The following SIPA1L2 variants were observed in gnomAD, a reference collection of about 807,000 sequenced individuals.
SIPA1L2 encodes the protein signal-induced proliferation-associated 1-like protein 2.
Under a neutral mutation model 163.9 loss-of-function variants are expected in SIPA1L2, and 56 were observed. The observed-to-expected ratio is 0.34, with a 90% CI of 0.28 to 0.43. The LOEUF is 0.43. Ranked by LOEUF, SIPA1L2 falls within the 20% of genes least tolerant of loss-of-function variation. The pLI is 1.00. For synonymous variants in SIPA1L2, 877 were observed against 865.7 expected, an observed-to-expected ratio of 1.01 and a Z score of -0.23; for missense variants, 1,974 against 2,193.5, an observed-to-expected ratio of 0.90 and a Z score of 2.00.
rs372607691 is a variant in SIPA1L2, at chr1:232,437,222, A to G, written c.4031+1886T>C. ...ATACAAAACTCTATTTGTGATGCCA[A>G]TGACATCTGTCCAAAAAGGTGTCAT... is the stretch of plus-strand genomic sequence containing the variant. On this transcript the variant is annotated intron_variant, in intron 15 of 22. Transcript: ENST00000674635. Among the ~76,000 whole-genome samples, 260 of 152,312 alleles carry G rather than the reference A, an allele frequency of 1.7e-3. 2 individuals are homozygous for G. Among genetic ancestry groups the G allele is most frequent in the African/African-American group, 5.9e-3 (245 of 41,564 alleles).
chr1:232,480,352 T>C lies in SIPA1L2; in HGVS notation c.1982-622A>G, dbSNP rs562408509. ...TTTTTTCTTTCAACAGGAAGTACAT[T>C]GATACATCCCATGAATGAAGAATAT... On this transcript the variant is annotated intron_variant, in intron 6 of 22. Coordinates refer to ENST00000674635, the MANE Select transcript of SIPA1L2 (RefSeq NM_020808.5). 6.4e-4 allele frequency among the ~76,000 whole-genome samples: 98 copies of C among 152,304 alleles called. 1 individual carries two copies. Among genetic ancestry groups the C allele is most frequent in the Non-Finnish European group, 8.2e-4 (56 of 68,016 alleles).
chr1:232,462,360 C>A, intron 9 of SIPA1L2: 1 of 1,521,268 alleles, frequency 6.6e-7, no homozygotes, highest in Non-Finnish European at 8.8e-7. Flanking sequence ...CACTCCATTT[C>A]TATGAAACAT....
At chr1:232,533,414 G>A (rs1473537170) in intron 2 of SIPA1L2, among the ~76,000 whole-genome samples, 2 of 152,150 alleles carry the variant, frequency 1.3e-5, no homozygotes, top group African/African-American at 2.4e-5. Context: ...TCTCCTCCAA[G>A]TGCTGGATCC....
chr1:232,451,072 T>C (rs951137604), intron 10 of SIPA1L2, among the ~76,000 whole-genome samples: 3 of 152,234 alleles, frequency 2.0e-5, no homozygotes, highest in Non-Finnish European at 4.4e-5. Flanking sequence ...TGTGACACTT[T>C]TACAGCAACT....
chr1:232,550,290 A>G (rs1485596019), intron 2 of SIPA1L2, among the ~76,000 whole-genome samples: 1 of 152,216 alleles, frequency 6.6e-6, no homozygotes, highest in Non-Finnish European at 1.5e-5. Flanking sequence ...ATCAAGTCAA[A>G]TATTTGCATT....
chr1:232,564,904 TG>T, intron 2 of SIPA1L2, among the ~76,000 whole-genome samples: 1 of 151,846 alleles, frequency 6.6e-6, no homozygotes. Context: ...TGTCTCAGGG[TG>T]GGGGATGAGA....
At chr1:232,525,569 A>G (rs1023172952) in intron 2 of SIPA1L2, among the ~76,000 whole-genome samples, 2 of 151,982 alleles carry the variant, frequency 1.3e-5, no homozygotes, top group Non-Finnish European at 2.9e-5. Flanking sequence ...AATATTTTAT[A>G]CTCAAATATA....
intron 2 of SIPA1L2, among the ~76,000 whole-genome samples, chr1:232,563,950 T>A (rs1659193931): frequency 7.2e-6 from 1 of 138,802 alleles, no homozygotes; most frequent in African/African-American, 3.0e-5. Context: ...GTTTGTTTTT[T>A]TTTTTCGTGT....
chr1:232,616,992 CT>C (rs1662531285), intron 1 of SIPA1L2, among the ~76,000 whole-genome samples: 1 of 152,144 alleles, frequency 6.6e-6, no homozygotes. Flanking sequence ...ATTGATTAGT[CT>C]CCTTCACATA....
Position 232,572,772 on chromosome 1 carries a change from T to TACATAC in SIPA1L2, c.-270+1401_-270+1402insGTATGT, listed in dbSNP as rs1558277889. Among the ~76,000 whole-genome samples the TACATAC allele has an allele frequency of 7.7e-4, 54 of 70,484 alleles. 1 individual carries two copies. Among genetic ancestry groups the TACATAC allele is most frequent in the Admixed American group, 1.9e-3 (11 of 5,778 alleles). The allele number at this position is 70,484 out of a possible 152,430, so 46.2% of individuals were successfully genotyped here. A position where few individuals can be genotyped will look rare whatever the true frequency, so the allele number is the denominator to read the frequency against. The stretch of plus-strand genomic sequence containing the variant: ...ATATATATATATATATATATATATA[T>TACATAC]ATATATATTTATTTATTTATTTTTT... On this transcript the variant is annotated intron_variant, in intron 2 of 22. Transcript: ENST00000674635.
At chr1:232,539,829 C>A (rs936870301) in intron 2 of SIPA1L2, among the ~76,000 whole-genome samples, 1 of 152,190 alleles carries the variant, frequency 6.6e-6, no homozygotes, top group African/African-American at 2.4e-5. Context: ...GATCTGGCTC[C>A]TCTGAGCTTC....
At chr1:232,530,452 T>C (rs1473037305) in intron 2 of SIPA1L2, among the ~76,000 whole-genome samples, 3 of 152,140 alleles carry the variant, frequency 2.0e-5, no homozygotes, top group Non-Finnish European at 4.4e-5. Context: ...CCTGTCACAT[T>C]TTAGCCATGG....
Position 232,471,492 on chromosome 1 carries a change from T to G in SIPA1L2, c.2122A>C (p.Thr708Pro), listed in dbSNP as rs1302466787. The change falls in exon 8 of 23, where the codon ACC becomes CCC. Residue 708 changes from threonine (T) to proline (P), a missense_variant. By Grantham distance (38) the Thr-to-Pro change is conservative. This residue lies in a region of SIPA1L2 where 288 missense variants were observed against 418.9 expected (regional missense o/e 0.69). Transcript: ENST00000674635. ...RKRHIGNDIV[T>P]IVFQEPGALP... The stretch of plus-strand genomic sequence containing the variant: ...GCCCCAGGCTCCTGGAAGACGATGG[T>G]GACGATGTCATTTCCTATGTGCCTT... 1 of 1,613,932 alleles carries G rather than the reference T, an allele frequency of 6.2e-7. No individual in the cohort carries two copies. The highest frequency in any genetic ancestry group is 1.3e-5 in the African/African-American group (1 of 74,938).
chr1:232,480,158 T>TGTGTGTGC (rs1553296483), intron 6 of SIPA1L2, among the ~76,000 whole-genome samples: 7 of 115,838 alleles, frequency 6.0e-5, no homozygotes, highest in African/African-American at 2.7e-4. Flanking sequence ...TGTGTGCGTG[T>TGTGTGTGC]GTGTGTGTGT....
rs763935369 is a variant in SIPA1L2, at chr1:232,439,123, A to C, written c.4016T>G (p.Ile1339Arg). The C allele has an allele frequency of 6.2e-7, 1 of 1,607,898 alleles. No individual in the cohort carries two copies. Among genetic ancestry groups the C allele is most frequent in the Admixed American group, 1.7e-5 (1 of 59,884 alleles). Reference sequence around the variant, plus strand: ...TGGGGCTTACCTGGAATGAGAGGATATCTCACTGAGATCGCCCATGCTGCC... The same window carrying C: ...TGGGGCTTACCTGGAATGAGAGGATCTCTCACTGAGATCGCCCATGCTGCC... ...AEGSMGDLSE[I>R]SSHSSGSHHS... The change falls in exon 15 of 23, where the codon ATA (isoleucine) becomes AGA (arginine). Residue 1339 changes from isoleucine (I) to arginine (R), a missense_variant. Ile to Arg is a moderately conservative substitution (Grantham distance 97). Around this residue, in one of 3 missense-constraint regions of SIPA1L2, gnomAD observed 1,079 missense variants for 1,150.7 expected, o/e 0.94. Transcript: ENST00000674635.
chr1:232,582,694 A>ATC (rs1230475501), intron 1 of SIPA1L2, among the ~76,000 whole-genome samples: 1 of 152,148 alleles, frequency 6.6e-6, no homozygotes, highest in African/African-American at 2.4e-5. Flanking sequence ...GCTGGGTCGA[A>ATC]TGGTAGTTCT....
intron 1 of SIPA1L2, among the ~76,000 whole-genome samples, chr1:232,584,921 C>T (rs1297196884): frequency 1.3e-5 from 2 of 152,214 alleles, no homozygotes; most frequent in African/African-American, 4.8e-5. Flanking sequence ...ACTATGTTGC[C>T]ATCCATATAT....
chr1:232,603,911 C>G (rs1661747461), intron 1 of SIPA1L2, among the ~76,000 whole-genome samples: 1 of 152,074 alleles, frequency 6.6e-6, no homozygotes, highest in Non-Finnish European at 1.5e-5. Flanking sequence ...GGGTACCCAG[C>G]AGAAAGAGAC....
chr1:232,556,447 C>T (rs145338057), intron 2 of SIPA1L2, among the ~76,000 whole-genome samples: 165 of 152,262 alleles, frequency 1.1e-3, no homozygotes, highest in Non-Finnish European at 1.9e-3. Flanking sequence ...TTTAACACAC[C>T]AGCTGATAAT....
Sources: allele counts gnomAD v4.1 joint callset (sites outside exome capture counted in the v4.1 genomes callset), GRCh38; gene constraint gnomAD v4.1.1; regional missense constraint gnomAD v4.1.1; transcripts MANE v1.5; gene names NCBI Gene and HGNC (gene_info 2026-07-23, HGNC 2026-07-21).